Variants in XPNPEP3 observed in about 807,000 individuals in gnomAD.
XPNPEP3 encodes X-prolyl aminopeptidase 3, also known as xaa-Pro aminopeptidase 3.
XPNPEP3 carries 41 observed loss-of-function variants against 60.0 expected under a neutral mutation model. The observed-to-expected ratio is 0.68, with a 90% confidence interval of 0.53 to 0.89. XPNPEP3 has a LOEUF of 0.89. XPNPEP3 is among the 40% of genes least tolerant of loss of function. XPNPEP3 has a pLI of 0.00. For synonymous variants in XPNPEP3, 212 were observed against 223.2 expected, an observed-to-expected ratio of 0.95 and a Z score of 0.45; for missense variants, 598 against 638.9, an observed-to-expected ratio of 0.94 and a Z score of 0.69.
At chr22:40,916,289 C>T (rs562166638) in intron 7 of XPNPEP3, among the ~76,000 whole-genome samples, 6 of 151,130 alleles carry the variant, frequency 4.0e-5, no homozygotes, top group Middle Eastern at 6.8e-3. Context: ...GAGACTCCAT[C>T]TCAAACAAAG....
At chr22:40,917,750 CTTCAGCAG>C (rs978427107) in intron 7 of XPNPEP3, 7 of 152,180 alleles carry the variant, frequency 4.6e-5, no homozygotes, top group African/African-American at 1.7e-4. Flanking sequence ...AAAGTGCTTC[CTTCAGCAG>C]CACATATACT....
At position 40,909,255 on chromosome 22, in the gene XPNPEP3, T is replaced by C; in HGVS notation, c.969+20T>C. On this transcript the variant is annotated intron_variant, in intron 6 of 9. Transcript: ENST00000357137. ...ATCAAGGTACGTGAGATGCCCTCAG[T>C]GCTACTCCCACTAGGTCCAGATAGC... is the stretch of plus-strand genomic sequence containing the variant. 6.3e-7 allele frequency: 1 copy of C among 1,592,962 alleles called. No homozygotes were observed. The highest frequency in any genetic ancestry group is 1.1e-5 in the South Asian group (1 of 90,610).
chr22:40,859,733 A>T (rs1360158518), intron 1 of XPNPEP3: 2 of 152,156 alleles, frequency 1.3e-5, no homozygotes, highest in Non-Finnish European at 2.9e-5. Context: ...AGATATTATA[A>T]TTTTTTTCTA....
chr22:40,890,620 A>G (rs2058084911), intron 4 of XPNPEP3, among the ~76,000 whole-genome samples: 1 of 152,154 alleles, frequency 6.6e-6, no homozygotes, highest in Admixed American at 6.5e-5. Context: ...TAATCCCAAC[A>G]CTTTGGGAGG....
chr22:40,898,226 T>TA (rs2058117182), intron 4 of XPNPEP3, among the ~76,000 whole-genome samples: 3 of 14,942 alleles, frequency 2.0e-4, no homozygotes, highest in South Asian at 2.8e-3. Context: ...CTTTGACCCA[T>TA]TTTTTTTTTT....
At chr22:40,903,023 TA>T (rs1460525274) in intron 4 of XPNPEP3, among the ~76,000 whole-genome samples, 1 of 152,194 alleles carries the variant, frequency 6.6e-6, no homozygotes, top group African/African-American at 2.4e-5. Flanking sequence ...CCCTGCTACA[TA>T]ATGGTAAAGC....
At chr22:40,906,042 C>T (rs2080709346) in intron 4 of XPNPEP3, among the ~76,000 whole-genome samples, 1 of 152,140 alleles carries the variant, frequency 6.6e-6, no homozygotes, top group African/African-American at 2.4e-5. Flanking sequence ...CTGTCCACCT[C>T]AGCCTCCCAA....
chr22:40,868,429 G>A (rs534536432), intron 1 of XPNPEP3, among the ~76,000 whole-genome samples: 10 of 110,236 alleles, frequency 9.1e-5, no homozygotes, highest in South Asian at 4.7e-4. Flanking sequence ...ATATGTGTGC[G>A]TGTGTGTGTG....
Position 40,928,085 on chromosome 22 carries a change from T to G in XPNPEP3, c.*1650T>G, listed in dbSNP as rs1464628237. 1 of 152,084 alleles carries G rather than the reference T, an allele frequency of 6.6e-6. No individual in the cohort carries two copies. Among genetic ancestry groups the G allele is most frequent in the East Asian group, 1.9e-4 (1 of 5,190 alleles). 9.4% of individuals were successfully genotyped at this position (152,084 alleles called of 1,614,324 possible). On this transcript the variant is annotated 3_prime_UTR_variant, in exon 10 of 10. Coordinates refer to ENST00000357137, the MANE Select transcript of XPNPEP3 (RefSeq NM_022098.4). ...GTACCCCTGTTATCATTCTGTGATTTCCTCTAGTGCTAATAGAAACAAAAT... is the reference window on the plus strand; with the variant it reads ...GTACCCCTGTTATCATTCTGTGATTGCCTCTAGTGCTAATAGAAACAAAAT...
At chr22:40,913,848 T>TA (rs1366529437) in intron 6 of XPNPEP3, among the ~76,000 whole-genome samples, 1 of 151,962 alleles carries the variant, frequency 6.6e-6, no homozygotes, top group Non-Finnish European at 1.5e-5. Flanking sequence ...ATTAGAGCTT[T>TA]AAAAAAATAA....
At chr22:40,916,536 A>C (rs991206002) in intron 7 of XPNPEP3, among the ~76,000 whole-genome samples, 4 of 152,108 alleles carry the variant, frequency 2.6e-5, no homozygotes, top group Admixed American at 2.6e-4. Flanking sequence ...ACAAAACCAA[A>C]CACTAGGTAG....
chr22:40,881,472 AT>A (rs1274272823), intron 2 of XPNPEP3, among the ~76,000 whole-genome samples: 1 of 151,090 alleles, frequency 6.6e-6, no homozygotes, highest in African/African-American at 2.5e-5. Flanking sequence ...AAAAAAAAAA[AT>A]TATATTCAAT....
intron 2 of XPNPEP3, among the ~76,000 whole-genome samples, chr22:40,874,273 A>G (rs1258871989): frequency 6.6e-6 from 1 of 152,188 alleles, no homozygotes; most frequent in African/African-American, 2.4e-5. Flanking sequence ...GAATTTAAAA[A>G]ATTAAAAGGA....
intron 4 of XPNPEP3, among the ~76,000 whole-genome samples, chr22:40,898,225 A>AATTTTTTTT (rs2058116948): frequency 3.5e-5 from 1 of 28,768 alleles, no homozygotes; most frequent in East Asian, 1.1e-3. Flanking sequence ...TCTTTGACCC[A>AATTTTTTTT]TTTTTTTTTT....
chr22:40,881,163 A>G (rs1480199101), intron 2 of XPNPEP3, among the ~76,000 whole-genome samples: 4 of 151,908 alleles, frequency 2.6e-5, no homozygotes, highest in African/African-American at 9.7e-5. Context: ...CTCCTGCCTC[A>G]GGCTCCCGAG....
At chr22:40,907,135 T>G (rs1251077259) in intron 4 of XPNPEP3, 1 of 456,382 alleles carries the variant, frequency 2.2e-6, no homozygotes. Flanking sequence ...GAAATCCGTA[T>G]TATTGGCCCG....
At chr22:40,912,526 T>C (rs906920580) in intron 6 of XPNPEP3, among the ~76,000 whole-genome samples, 2 of 152,294 alleles carry the variant, frequency 1.3e-5, no homozygotes, top group Non-Finnish European at 2.9e-5. Flanking sequence ...TATTTTTGCC[T>C]TTTCTCCTTA....
rs927187172 is a variant in XPNPEP3, at chr22:40,927,893, G to GA, written c.*1468dup. On this transcript the variant is annotated 3_prime_UTR_variant, in exon 10 of 10. Transcript: ENST00000357137. ...CCGTCTCAAAAAAAAAAAAAAAAAA[G>GA]AAAAAAAAAAGAAAGATTTCTTTCG... is the stretch of plus-strand genomic sequence containing the variant. The GA allele has an allele frequency of 5.0e-4, 69 of 138,012 alleles. No individual in the cohort carries two copies. The highest frequency in any genetic ancestry group is 8.6e-4 in the Non-Finnish European group (54 of 63,050). The allele number at this position is 138,012 out of a possible 1,614,324, so 8.5% of individuals were successfully genotyped here.
At chr22:40,919,428 G>A (rs2058208180) in intron 7 of XPNPEP3, among the ~76,000 whole-genome samples, 1 of 152,164 alleles carries the variant, frequency 6.6e-6, no homozygotes, top group Non-Finnish European at 1.5e-5. Flanking sequence ...GGTGGCAGGT[G>A]CCTGTAATCT....
Sources: gnomAD v4.1 joint callset for allele counts (sites outside exome capture counted in the v4.1 genomes callset) on GRCh38, gnomAD v4.1.1 for gene constraint, MANE v1.5 for transcripts, NCBI Gene and HGNC (gene_info 2026-07-23, HGNC 2026-07-21) for gene names.